ARHGEF12: variants seen among roughly 807,000 people sequenced by gnomAD.
ARHGEF12 encodes the protein KMT2A/ARHGEF12 fusion protein.
ARHGEF12 carries 66 observed loss-of-function variants against 211.2 expected under a neutral mutation model. The ratio of observed to expected loss-of-function variants is 0.31; its 90% CI spans 0.26 to 0.38. The LOEUF (loss-of-function observed/expected upper bound fraction) is 0.38. Among genes scored for constraint, ARHGEF12 ranks in the 10% least tolerant of loss-of-function variants. The pLI is 1.00. For synonymous variants in ARHGEF12, 592 were observed against 638.4 expected (o/e 0.93, Z 1.09); for missense variants, 1,429 against 1,869.5 (o/e 0.76, Z 4.34).
At chr11:120,351,255 G>C (rs1240456387) in intron 1 of ARHGEF12, among the ~76,000 whole-genome samples, 2 of 141,804 alleles carry the variant, frequency 1.4e-5, no homozygotes, top group Non-Finnish European at 3.0e-5. Context: ...GGAGACTGAG[G>C]AGAATGGCAT....
intron 37 of ARHGEF12, 51 bp from the exon 38 acceptor site, chr11:120,479,908 AG>A: frequency 6.9e-7 from 1 of 1,454,992 alleles, no homozygotes; most frequent in Non-Finnish European, 9.4e-7. Flanking sequence ...TTGCAGCCTG[AG>A]GTTATAGTTG....
intron 10 of ARHGEF12, 101 bp downstream of exon 10, chr11:120,429,932 T>A: frequency 7.4e-7 from 1 of 1,346,842 alleles, no homozygotes; most frequent in Non-Finnish European, 1.0e-6. Flanking sequence ...AAGTTATTTT[T>A]CTAGCGTAGG....
At chr11:120,405,217 T>A (rs563007463) in intron 1 of ARHGEF12, among the ~76,000 whole-genome samples, 106 of 152,328 alleles carry the variant, frequency 7.0e-4, no homozygotes, top group African/African-American at 2.6e-3. Flanking sequence ...CTAGTTTTAC[T>A]GATGTTCTTA....
At chr11:120,417,737 C>A (rs1251474145) in intron 4 of ARHGEF12, among the ~76,000 whole-genome samples, 3 of 152,092 alleles carry the variant, frequency 2.0e-5, no homozygotes, top group Non-Finnish European at 4.4e-5. Flanking sequence ...TTCAGGTGAT[C>A]CACCTGTCTC....
At chr11:120,351,783 T>G (rs1942983107) in intron 1 of ARHGEF12, among the ~76,000 whole-genome samples, 1 of 152,162 alleles carries the variant, frequency 6.6e-6, no homozygotes, top group Non-Finnish European at 1.5e-5. Context: ...ATGTTACATT[T>G]ATTGAGTACA....
intron 29 of ARHGEF12, among the ~76,000 whole-genome samples, chr11:120,468,554 TTCC>T (rs1946775534): frequency 6.6e-6 from 1 of 152,252 alleles, no homozygotes; most frequent in African/African-American, 2.4e-5. Context: ...GTTCAAGCAA[TTCC>T]CCTGCCTCAG....
chr11:120,392,588 A>AT (rs1321043611), intron 1 of ARHGEF12, among the ~76,000 whole-genome samples: 3 of 152,226 alleles, frequency 2.0e-5, no homozygotes, highest in African/African-American at 7.2e-5. Context: ...ACTGGCTCAC[A>AT]TAAAAAAGAA....
chr11:120,454,631 A>G (rs1482351203), intron 22 of ARHGEF12, among the ~76,000 whole-genome samples: 2 of 152,192 alleles, frequency 1.3e-5, no homozygotes, highest in African/African-American at 4.8e-5. Flanking sequence ...TCTGTCATAA[A>G]GTTGCAGTCA....
chr11:120,382,209 A>G (rs1210254090), intron 1 of ARHGEF12, among the ~76,000 whole-genome samples: 1 of 152,188 alleles, frequency 6.6e-6, no homozygotes, highest in Non-Finnish European at 1.5e-5. Context: ...ACCTAAGAGT[A>G]TGATTGTAGG....
At chr11:120,440,508 A>T (rs912030413) in intron 13 of ARHGEF12, among the ~76,000 whole-genome samples, 1 of 152,156 alleles carries the variant, frequency 6.6e-6, no homozygotes, top group African/African-American at 2.4e-5. Context: ...TTCAAATCCC[A>T]GTTCATTGGT....
Position 120,399,104 on chromosome 11 carries a change from C to T in ARHGEF12, c.33-7014C>T, listed in dbSNP as rs538006025. ...CTGAGGCTTGAGGATTGCTTGAGGC[C>T]AGGAGTTTGAGACCAACCTGGGCAA... On this transcript the variant is annotated intron_variant, in intron 1 of 40. Transcript: ENST00000397843. Among the ~76,000 whole-genome samples the T allele has an allele frequency of 7.3e-5, 11 of 151,560 alleles. No homozygotes were observed. In the South Asian group the frequency reaches 2.3e-3, roughly 32 times the overall value.
At chr11:120,351,435 ATATATATATATATATATATATTT>A (rs1334243561) in intron 1 of ARHGEF12, among the ~76,000 whole-genome samples, 4 of 3,124 alleles carry the variant, frequency 1.3e-3, no homozygotes, top group African/African-American at 7.4e-3. Context: ...ATATATATAT[ATATATATATATATATATATATTT>A]TTTTTTTTTT....
At chr11:120,453,774 C>G (rs1403803512) in intron 22 of ARHGEF12, among the ~76,000 whole-genome samples, 2 of 152,138 alleles carry the variant, frequency 1.3e-5, no homozygotes, top group African/African-American at 2.4e-5. Flanking sequence ...CCAGAGCCCA[C>G]AATTTGTTTA....
chr11:120,392,584 T>G (rs1402064937), intron 1 of ARHGEF12, among the ~76,000 whole-genome samples: 1 of 152,182 alleles, frequency 6.6e-6, no homozygotes, highest in African/African-American at 2.4e-5. Context: ...ATTTACTGGC[T>G]CACATAAAAA....
chr11:120,431,890 G>T lies in ARHGEF12; in HGVS notation c.903G>T (p.Arg301=). ...RTDCSSGDAS[R]PSSDNADSPK... ...ACTGTAGCAGTGGAGATGCTTCTCG[G>T]CCCAGTAGTGACAATGCAGATGTAA... The change falls in exon 11 of 41, where the codon CGG becomes CGT. Residue 301 remains arginine (R), a synonymous_variant. Transcript: ENST00000397843. The T allele has an allele frequency of 6.2e-7, 1 of 1,606,868 alleles. No homozygotes were observed. Among genetic ancestry groups the T allele is most frequent in the South Asian group, 1.1e-5 (1 of 89,298 alleles).
intron 1 of ARHGEF12, among the ~76,000 whole-genome samples, chr11:120,367,554 T>A (rs896265723): frequency 6.6e-6 from 1 of 151,898 alleles, no homozygotes; most frequent in Non-Finnish European, 1.5e-5. Flanking sequence ...TTAGTAGAGA[T>A]GGGGTTTCAC....
In ARHGEF12 at chr11:120,423,341, A is replaced by G. The variant is rs141058334; in HGVS notation, c.349-1017A>G. Among the ~76,000 whole-genome samples, 104 of 152,266 alleles carry G rather than the reference A, an allele frequency of 6.8e-4. 1 individual carries two copies. The highest frequency in any genetic ancestry group is 2.3e-3 in the African/African-American group (94 of 41,574). The stretch of plus-strand genomic sequence containing the variant: ...AAACCTGTTTGGATGAAAGTCTGTG[A>G]ATATGTATCAAAAGCCTTTAAGAAA... On this transcript the variant is annotated intron_variant, in intron 6 of 40. Coordinates refer to ENST00000397843, the MANE Select transcript of ARHGEF12 (RefSeq NM_015313.3).
intron 1 of ARHGEF12, among the ~76,000 whole-genome samples, chr11:120,339,929 C>T (rs749724093): frequency 6.6e-6 from 1 of 152,164 alleles, no homozygotes; most frequent in Non-Finnish European, 1.5e-5. Context: ...CCCCAGTCCG[C>T]ACCCCTTAAA....
intron 4 of ARHGEF12, among the ~76,000 whole-genome samples, chr11:120,420,167 A>G (rs766171621): frequency 6.6e-6 from 1 of 152,132 alleles, no homozygotes; most frequent in East Asian, 1.9e-4. Context: ...TGTTTTCTAT[A>G]AGCCAGGGTT....
Sources: allele counts gnomAD v4.1 joint callset (sites outside exome capture counted in the v4.1 genomes callset), GRCh38; gene constraint gnomAD v4.1.1; transcripts MANE v1.5; gene names NCBI Gene and HGNC (gene_info 2026-07-23, HGNC 2026-07-21).